The following ANTXR2 variants were observed in gnomAD, a reference collection of about 807,000 sequenced individuals.
ANTXR2 encodes the protein ANTXR cell adhesion molecule 2.
In ANTXR2, 44 loss-of-function variants were observed where a neutral mutation model predicts 73.7. That is an observed-to-expected ratio of 0.60 (90% CI 0.47 to 0.77). ANTXR2 has a LOEUF of 0.77. Ranked by LOEUF, ANTXR2 falls within the 30% of genes least tolerant of loss-of-function variation. The pLI, the probability that ANTXR2 is intolerant of heterozygous loss-of-function variation, is 0.00. For synonymous variants in ANTXR2, 217 were observed against 205.9 expected, an observed-to-expected ratio of 1.05 and a Z score of -0.46; for missense variants, 604 against 592.5, an observed-to-expected ratio of 1.02 and a Z score of -0.20.
intron 16 of ANTXR2, among the ~76,000 whole-genome samples, chr4:79,918,402 T>C (rs1727439149): frequency 6.6e-6 from 1 of 152,074 alleles, no homozygotes; most frequent in Non-Finnish European, 1.5e-5. Flanking sequence ...CCAGGGAATA[T>C]AGAGTTAAAC....
intron 16 of ANTXR2, among the ~76,000 whole-genome samples, chr4:79,957,091 A>C (rs1254719682): frequency 6.6e-6 from 1 of 152,066 alleles, no homozygotes; most frequent in Non-Finnish European, 1.5e-5. Context: ...TGGAGCCCAT[A>C]ATGAAAGACT....
chr4:80,073,150 T>A lies in ANTXR2; in HGVS notation c.-590A>T, dbSNP rs142313419. On this transcript the variant is annotated 5_prime_UTR_variant, in exon 1 of 17. Transcript: ENST00000403729. The stretch of plus-strand genomic sequence containing the variant: ...GGCCGTCCCCTTTAGGGGAGGAGGC[T>A]AGCTGGCCCTGGGACTCCCGGCTGG... 2,149 of 152,708 alleles carry A rather than the reference T, an allele frequency of 0.014. 41 individuals are homozygous for A. The highest frequency in any genetic ancestry group is 0.049 in the African/African-American group (2,022 of 41,550). 9.5% of individuals were successfully genotyped at this position (152,708 alleles called of 1,614,324 possible).
intron 12 of ANTXR2, among the ~76,000 whole-genome samples, chr4:79,990,383 C>CAAAAAAAAAAAAAAAAAAAAAAAAAAAAA (rs70944757): frequency 3.9e-5 from 3 of 76,932 alleles, no homozygotes; most frequent in Admixed American, 1.7e-4. Context: ...ACAACAGTTA[C>CAAAAAAAAAAAAAAAAAAAAAAAAAAAAA]AAAAAAAAAA....
intron 16 of ANTXR2, among the ~76,000 whole-genome samples, chr4:79,951,425 C>CA (rs1430430384): frequency 1.3e-5 from 2 of 151,808 alleles, no homozygotes; most frequent in Non-Finnish European, 2.9e-5. Context: ...ACTAAAAATA[C>CA]AAAAATTAGC....
chr4:80,072,015 A>G (rs913312790), intron 1 of ANTXR2, among the ~76,000 whole-genome samples: 3 of 152,220 alleles, frequency 2.0e-5, no homozygotes, highest in African/African-American at 7.2e-5. Context: ...CCTGGCTCCA[A>G]TGAAAGCGCT....
intron 12 of ANTXR2, among the ~76,000 whole-genome samples, chr4:79,990,383 C>A (rs1409180438): frequency 8.0e-3 from 615 of 76,708 alleles, no homozygotes; most frequent in South Asian, 9.4e-3. Context: ...ACAACAGTTA[C>A]AAAAAAAAAA....
At chr4:80,000,876 A>C (rs955016235) in intron 12 of ANTXR2, among the ~76,000 whole-genome samples, 1 of 152,046 alleles carries the variant, frequency 6.6e-6, no homozygotes, top group Non-Finnish European at 1.5e-5. Flanking sequence ...TCAATAGTTC[A>C]ATATCTGAAT....
intron 16 of ANTXR2, among the ~76,000 whole-genome samples, chr4:79,916,949 T>C (rs1243686173): frequency 6.6e-6 from 1 of 152,046 alleles, no homozygotes; most frequent in Non-Finnish European, 1.5e-5. Flanking sequence ...AGGTACAGAG[T>C]AGACTGAATA....
intron 3 of ANTXR2, among the ~76,000 whole-genome samples, chr4:80,062,479 G>T (rs950675015): frequency 1.1e-4 from 16 of 152,266 alleles, no homozygotes; most frequent in Admixed American, 9.8e-4. Flanking sequence ...AACAGATGTG[G>T]GACTTCAGCG....
chr4:79,935,929 T>C (rs1259693486), intron 16 of ANTXR2, among the ~76,000 whole-genome samples: 1 of 152,326 alleles, frequency 6.6e-6, no homozygotes, highest in East Asian at 1.9e-4. Flanking sequence ...CTTAGGCTAA[T>C]GTACTCTAAG....
chr4:80,047,300 A>G (rs1733563942), intron 7 of ANTXR2, among the ~76,000 whole-genome samples: 1 of 151,556 alleles, frequency 6.6e-6, no homozygotes, highest in African/African-American at 2.4e-5. Flanking sequence ...ATCAGTTAAT[A>G]AAATGAATAA....
intron 16 of ANTXR2, among the ~76,000 whole-genome samples, chr4:79,975,914 CT>C (rs528899255): frequency 2.6e-4 from 35 of 135,744 alleles, no homozygotes; most frequent in East Asian, 4.5e-4. Context: ...TCAAATTACA[CT>C]TTTTTTTTTT....
intron 16 of ANTXR2, among the ~76,000 whole-genome samples, chr4:79,919,865 TTATATATATATA>T (rs869257072): frequency 0.014 from 242 of 17,676 alleles, 1 homozygote; most frequent in Admixed American, 0.026. Flanking sequence ...AATACATATT[TTATATATATATA>T]TATATATATA....
chr4:80,016,495 C>T lies in ANTXR2; in HGVS notation c.945+2403G>A, dbSNP rs1731879600. 2.0e-5 allele frequency among the ~76,000 whole-genome samples: 3 copies of T among 152,284 alleles called. No individual in the cohort carries two copies. In the South Asian group the frequency reaches 6.2e-4, roughly 32 times the overall value. On this transcript the variant is annotated intron_variant, in intron 11 of 16. Coordinates refer to ENST00000403729, the MANE Select transcript of ANTXR2 (RefSeq NM_058172.6). ...CTAAGCTCCTGGAAGCCACTATTTC[C>T]CAGTAAATATTATGTGAAATTTTGT...
intron 7 of ANTXR2, among the ~76,000 whole-genome samples, chr4:80,051,675 C>T (rs1044474744): frequency 7.3e-5 from 11 of 151,646 alleles, no homozygotes; most frequent in Admixed American, 7.3e-4. Context: ...GGATCAAATA[C>T]ATTTTAGAGA....
At chr4:79,912,436 T>C (rs1727182380) in intron 16 of ANTXR2, among the ~76,000 whole-genome samples, 1 of 152,008 alleles carries the variant, frequency 6.6e-6, no homozygotes. Context: ...GGAAACATTT[T>C]ATTTGCCTAA....
intron 12 of ANTXR2, among the ~76,000 whole-genome samples, chr4:79,997,830 G>A (rs62298615): frequency 0.099 from 15,028 of 151,928 alleles, 1,833 homozygotes; most frequent in East Asian, 0.64. Flanking sequence ...ACTGAGACCA[G>A]GATGAGTTTG....
chr4:80,025,559 T>A (rs1490285174), intron 10 of ANTXR2, among the ~76,000 whole-genome samples: 3 of 152,190 alleles, frequency 2.0e-5, no homozygotes, highest in Admixed American at 6.5e-5. Context: ...AACTGGCAGC[T>A]ACTCAAAAAG....
chr4:80,042,656 G>A (rs115184595), intron 7 of ANTXR2, among the ~76,000 whole-genome samples: 232 of 152,082 alleles, frequency 1.5e-3, no homozygotes, highest in Non-Finnish European at 2.7e-3. Flanking sequence ...ATGTGAATAT[G>A]TGAATTGATA....
Sources: allele counts gnomAD v4.1 joint callset (sites outside exome capture counted in the v4.1 genomes callset), GRCh38; gene constraint gnomAD v4.1.1; transcripts MANE v1.5; gene names NCBI Gene and HGNC (gene_info 2026-07-23, HGNC 2026-07-21).